The following DNAAF2 variants were observed in gnomAD, a reference collection of about 807,000 sequenced individuals.
The protein encoded by DNAAF2 is dynein axonemal assembly factor 2, also known as protein kintoun.
Under a neutral mutation model 48.8 loss-of-function variants are expected in DNAAF2, and 58 were observed. The ratio of observed to expected loss-of-function variants is 1.19; its 90% CI spans 0.96 to 1.48. The LOEUF (loss-of-function observed/expected upper bound fraction) is 1.48. DNAAF2 is among the 40% of genes most tolerant of loss of function. The pLI is 0.00. For synonymous variants in DNAAF2, 567 were observed against 481.2 expected (o/e 1.18, Z -2.33); for missense variants, 1,241 against 1,116.1 (o/e 1.11, Z -1.59).
rs200121200 is a variant in DNAAF2, at chr14:49,633,687, C to T, written c.1463G>A (p.Gly488Glu). 1,065 of 1,606,692 alleles carry T rather than the reference C, an allele frequency of 6.6e-4. No homozygotes were observed. Among genetic ancestry groups the T allele is most frequent in the Non-Finnish European group, 6.4e-4 (751 of 1,175,140 alleles). Residue 488 changes from glycine to glutamate, a missense_variant, in exon 1 of 3, where the codon GGA (glycine) becomes GAA (glutamate). By Grantham distance (98) the Gly-to-Glu change is moderately conservative (BLOSUM62 -2). Coordinates refer to ENST00000298292, the MANE Select transcript of DNAAF2 (RefSeq NM_018139.3). ...GSSAGRESAR[G>E]DSSVETREES... The stretch of plus-strand genomic sequence containing the variant: ...CTCGCGTGTTTCCACACTGCTATCT[C>T]CGCGCGCACTCTCTCTTCCCGCAGA...
At position 49,634,853 on chromosome 14, in the gene DNAAF2, G is replaced by T; in HGVS notation, c.297C>A (p.Gly99=). The T allele has an allele frequency of 1.3e-6, 2 of 1,545,940 alleles. No individual in the cohort carries two copies. The highest frequency in any genetic ancestry group is 8.7e-7 in the Non-Finnish European group (1 of 1,145,598). Residue 99 remains glycine, a synonymous_variant, in exon 1 of 3, where the codon GGC becomes GGA. Transcript: ENST00000298292. ...CGGAGCCGGGCCGGCTGCTGGGCGC[G>T]CCCACCAACGCGTTGCTGCAGACAT... ...FVNVCSNALV[G]APSSRPGSGG...
In DNAAF2 at chr14:49,625,734, T is replaced by G. The variant is rs1566507546; in HGVS notation, c.2322A>C (p.Val774=). Residue 774 remains valine, a synonymous_variant, in exon 3 of 3, where the codon GTA becomes GTC. Coordinates refer to ENST00000298292, the MANE Select transcript of DNAAF2 (RefSeq NM_018139.3). ...NEEKDNLNES[V]ITEEKETDGD... ...CATCTGTTTCTTTCTCTTCAGTTAT[T>G]ACTGACTCGTTTAAGTTATCTTTTT... 10 of 1,613,436 alleles carry G rather than the reference T, an allele frequency of 6.2e-6. No individual in the cohort carries two copies. Among genetic ancestry groups the G allele is most frequent in the Non-Finnish European group, 8.5e-6 (10 of 1,179,614 alleles).
At position 49,634,445 on chromosome 14, in the gene DNAAF2, C is replaced by A; in HGVS notation, c.705G>T (p.Gly235=). 6.4e-7 allele frequency: 1 copy of A among 1,558,524 alleles called. No homozygotes were observed. Among genetic ancestry groups the A allele is most frequent in the Non-Finnish European group, 8.7e-7 (1 of 1,155,200 alleles). ...CTTCCGGAGGGGAGGGCGCCCGGGGCCCGGGGGCTGCCGGGTACTGGTAAG... is the reference window on the plus strand; with the variant it reads ...CTTCCGGAGGGGAGGGCGCCCGGGGACCGGGGGCTGCCGGGTACTGGTAAG... ...PYPYQYPAAP[G]PRAPSPPEAA... Residue 235 remains glycine (G), a synonymous_variant, in exon 1 of 3, where the codon GGG becomes GGT. Transcript: ENST00000298292.
chr14:49,633,676 C>T lies in DNAAF2; in HGVS notation c.1474G>A (p.Val492Met), dbSNP rs1418003609. ...GRESARGDSSVETREESEGTG... is the reference protein window; with the variant it reads ...GRESARGDSSMETREESEGTG... ...CCCTCCGACTCCTCGCGTGTTTCCACACTGCTATCTCCGCGCGCACTCTCT... is the reference window on the plus strand; with the variant it reads ...CCCTCCGACTCCTCGCGTGTTTCCATACTGCTATCTCCGCGCGCACTCTCT... The change falls in exon 1 of 3, where the codon GTG becomes ATG. Residue 492 changes from valine (V) to methionine (M), a missense_variant. Val to Met is a conservative substitution (Grantham distance 21, BLOSUM62 1). Coordinates refer to ENST00000298292, the MANE Select transcript of DNAAF2 (RefSeq NM_018139.3). 1 of 1,610,522 alleles carries T rather than the reference C, an allele frequency of 6.2e-7. No homozygotes were observed. Among genetic ancestry groups the T allele is most frequent in the East Asian group, 2.2e-5 (1 of 44,826 alleles).
Position 49,634,402 on chromosome 14 carries a change from G to T in DNAAF2, c.748C>A (p.Pro250Thr). The T allele has an allele frequency of 6.3e-7, 1 of 1,583,860 alleles. No individual in the cohort carries two copies. Residue 250 changes from proline (P) to threonine (T), a missense_variant, in exon 1 of 3, where the codon CCC becomes ACC. By Grantham distance (38) the Pro-to-Thr change is conservative (BLOSUM62 -1). Transcript: ENST00000298292. ...SPPEAALQPA[P>T]TEPRYSVVQR... ...ACCACGCTGTAGCGAGGCTCGGTGG[G>T]GGCGGGCTGCAAGGCCGCTTCCGGA...
Position 49,634,021 on chromosome 14 carries a change from C to G in DNAAF2, c.1129G>C (p.Gly377Arg), listed in dbSNP as rs760933549. 2.9e-4 allele frequency: 438 copies of G among 1,522,636 alleles called. No individual in the cohort carries two copies. Among genetic ancestry groups the G allele is most frequent in the Non-Finnish European group, 3.6e-4 (408 of 1,140,948 alleles). 94.3% of individuals were successfully genotyped at this position (1,522,636 alleles called of 1,614,324 possible). A position where few individuals can be genotyped will look rare whatever the true frequency, so the allele number is the denominator to read the frequency against. Residue 377 changes from glycine (G) to arginine (R), a missense_variant, in exon 1 of 3, where the codon GGC (glycine) becomes CGC (arginine). Transcript: ENST00000298292. Reference sequence around the variant, plus strand: ...TCGCGAGCGGAAGCGCAGGCCTGGCCGTCAGTTCCGGACCGGTCCGCGGAC... The same window carrying G: ...TCGCGAGCGGAAGCGCAGGCCTGGCGGTCAGTTCCGGACCGGTCCGCGGAC... Reference protein sequence around the residue: ...EESADRSGTDGQACASAREGE... With the variant: ...EESADRSGTDRQACASAREGE...
intron 2 of DNAAF2, among the ~76,000 whole-genome samples, chr14:49,626,253 C>T (rs1185139087): frequency 6.6e-6 from 1 of 152,100 alleles, no homozygotes; most frequent in East Asian, 1.9e-4. Context: ...TTTGGGATGC[C>T]AAGGCAGGCA....
chr14:49,634,410 T>G lies in DNAAF2; in HGVS notation c.740A>C (p.Gln247Pro), dbSNP rs780046342. 6.3e-7 allele frequency: 1 copy of G among 1,577,222 alleles called. No individual in the cohort carries two copies. The highest frequency in any genetic ancestry group is 8.6e-7 in the Non-Finnish European group (1 of 1,162,414). ...RAPSPPEAALQPAPTEPRYSV... is the reference protein window; with the variant it reads ...RAPSPPEAALPPAPTEPRYSV... ...GTAGCGAGGCTCGGTGGGGGCGGGC[T>G]GCAAGGCCGCTTCCGGAGGGGAGGG... The change falls in exon 1 of 3, where the codon CAG (glutamine) becomes CCG (proline). Residue 247 changes from glutamine (Q) to proline (P), a missense_variant. Gln to Pro is a moderately conservative substitution (Grantham distance 76). Transcript: ENST00000298292.
At chr14:49,626,412 C>T (rs1383763733) in intron 2 of DNAAF2, among the ~76,000 whole-genome samples, 4 of 152,120 alleles carry the variant, frequency 2.6e-5, no homozygotes, top group African/African-American at 4.8e-5. Flanking sequence ...TCACTTGAAC[C>T]CGGGAGGTGG....
Position 49,633,565 on chromosome 14 carries a change from G to T in DNAAF2, c.1585C>A (p.Gln529Lys). ...AGCAGAGTCAAGGTTTCTTTGTCCTGATTACACAGTAACGGAGGACACAAA... is the reference window on the plus strand; with the variant it reads ...AGCAGAGTCAAGGTTTCTTTGTCCTTATTACACAGTAACGGAGGACACAAA... The part of the protein sequence containing the change: ...EPLCPPLLCN[Q>K]DKETLTLLIQ... The change falls in exon 1 of 3, where the codon CAG becomes AAG. Residue 529 changes from glutamine to lysine, a missense_variant. By Grantham distance (53) the Gln-to-Lys change is moderately conservative. Transcript: ENST00000298292. 2.5e-6 allele frequency: 4 copies of T among 1,613,986 alleles called. No individual in the cohort carries two copies. Among genetic ancestry groups the T allele is most frequent in the South Asian group, 1.1e-5 (1 of 91,080 alleles).
Position 49,634,551 on chromosome 14 carries a change from A to G in DNAAF2, c.599T>C (p.Val200Ala), listed in dbSNP as rs991920615. Reference sequence around the variant, plus strand: ...GACCCCGGGCAGGGGCGTGCGCAGCACCGCAGCCTCTGGGGTCCCCTTATA... The same window carrying G: ...GACCCCGGGCAGGGGCGTGCGCAGCGCCGCAGCCTCTGGGGTCCCCTTATA... ...AKYKGTPEAA[V>A]LRTPLPGVIP... The change falls in exon 1 of 3, where the codon GTG becomes GCG. Residue 200 changes from valine to alanine, a missense_variant. Transcript: ENST00000298292. 5 of 1,603,428 alleles carry G rather than the reference A, an allele frequency of 3.1e-6. No individual in the cohort carries two copies. Among genetic ancestry groups the G allele is most frequent in the South Asian group, 2.2e-5 (2 of 91,080 alleles).
chr14:49,632,734 A>G (rs1471995711), intron 1 of DNAAF2, among the ~76,000 whole-genome samples: 4 of 152,098 alleles, frequency 2.6e-5, no homozygotes, highest in Non-Finnish European at 4.4e-5. Flanking sequence ...AGCGTGAGCC[A>G]CCGCACCCAG....
In DNAAF2 at chr14:49,634,765, G is replaced by C. The variant is rs756604353; in HGVS notation, c.385C>G (p.Arg129Gly). ...CTGCTGCTGCGCCCCGCGTACTCGCGGCCGGGCGCCAGGCTGTAGGGCAGG... is the reference window on the plus strand; with the variant it reads ...CTGCTGCTGCGCCCCGCGTACTCGCCGCCGGGCGCCAGGCTGTAGGGCAGG... ...WSLPYSLAPG[R>G]EYAGRSSSRY... is the part of the protein sequence containing the mutation. Residue 129 changes from arginine (R) to glycine (G), a missense_variant, in exon 1 of 3, where the codon CGC becomes GGC. By Grantham distance (125) the Arg-to-Gly change is moderately radical. Coordinates refer to ENST00000298292, the MANE Select transcript of DNAAF2 (RefSeq NM_018139.3). 2 of 1,594,506 alleles carry C rather than the reference G, an allele frequency of 1.3e-6. No individual in the cohort carries two copies. Among genetic ancestry groups the C allele is most frequent in the South Asian group, 2.2e-5 (2 of 89,868 alleles).
In DNAAF2 at chr14:49,634,574, A is replaced by T. The variant is rs1289685585; in HGVS notation, c.576T>A (p.Tyr192Ter). ...GCACCGCAGCCTCTGGGGTCCCCTT[A>T]TACTTGGCCTTCAGGGTCTTGGCAT... ...RRNAKTLKAK[Y>*]KGTPEAAVLR... The change falls in exon 1 of 3, where the codon TAT becomes TAA. Residue 192 changes from tyrosine to a stop codon, truncating the protein, a stop_gained. Transcript: ENST00000298292. LOFTEE classifies it high-confidence loss of function. 2 of 1,605,184 alleles carry T rather than the reference A, an allele frequency of 1.2e-6. No homozygotes were observed. Among genetic ancestry groups the T allele is most frequent in the African/African-American group, 2.7e-5 (2 of 74,908 alleles).
chr14:49,630,808 C>A lies in DNAAF2; in HGVS notation c.1863+2479G>T, dbSNP rs144539582. On this transcript the variant is annotated intron_variant, in intron 1 of 2. Transcript: ENST00000298292. ...ACTCTGTCACCAGGCTGGAGTACAA[C>A]TGCGTGATCTCAGCTCACTGCAACC... is the stretch of plus-strand genomic sequence containing the variant. Among the ~76,000 whole-genome samples the A allele has an allele frequency of 2.4e-4, 37 of 151,458 alleles. No homozygotes were observed. The East Asian group carries it at 6.8e-3, about 28-fold the overall frequency.
chr14:49,634,763 G>A lies in DNAAF2; in HGVS notation c.387C>T (p.Arg129=). 2 of 1,594,130 alleles carry A rather than the reference G, an allele frequency of 1.3e-6. No individual in the cohort carries two copies. The highest frequency in any genetic ancestry group is 1.7e-5 in the Admixed American group (1 of 57,752). The part of the protein sequence containing the change: ...WSLPYSLAPG[R]EYAGRSSSRY... ...GGCTGCTGCTGCGCCCCGCGTACTC[G>A]CGGCCGGGCGCCAGGCTGTAGGGCA... is the stretch of plus-strand genomic sequence containing the variant. Residue 129 remains arginine (R), a synonymous_variant, in exon 1 of 3, where the codon CGC becomes CGT. Coordinates refer to ENST00000298292, the MANE Select transcript of DNAAF2 (RefSeq NM_018139.3).
intron 2 of DNAAF2, among the ~76,000 whole-genome samples, chr14:49,626,442 T>A (rs909176102): frequency 1.3e-5 from 2 of 152,130 alleles, no homozygotes; most frequent in African/African-American, 4.8e-5. Context: ...TGGGCCGAGA[T>A]AGTGCCACTG....
rs997727890 is a variant in DNAAF2 at position 49,625,917 on chromosome 14, T to G, written c.2139A>C (p.Ala713=). Residue 713 remains alanine (A), a synonymous_variant, in exon 3 of 3, where the codon GCA becomes GCC. Transcript: ENST00000298292. ...AGCTATCTATTTGTAGTGCTTTAAC[T>G]GCTATAGATGAATCAGAATCAGTTG... ...TPTTDSDSSI[A]VKALQIDSFG... The G allele has an allele frequency of 1.5e-5, 24 of 1,613,492 alleles. No individual in the cohort carries two copies. The highest frequency in any genetic ancestry group is 3.3e-5 in the Admixed American group (2 of 59,974).
In DNAAF2 at chr14:49,633,455, G is replaced by A. The variant is rs899111621; in HGVS notation, c.1695C>T (p.Asp565=). Residue 565 remains aspartate (D), a synonymous_variant, in exon 1 of 3, where the codon GAC becomes GAT. Coordinates refer to ENST00000298292, the MANE Select transcript of DNAAF2 (RefSeq NM_018139.3). ...LWYKLRFSAQ[D]LVYSFFLQFA... is the part of the protein sequence containing the mutation. ...ATTGCAAAAAGAAGGAATAAACTAA[G>A]TCTTGTGCGGAGAAGCGTAATTTGT... The A allele has an allele frequency of 6.2e-7, 1 of 1,613,958 alleles. No homozygotes were observed. The highest frequency in any genetic ancestry group is 1.3e-5 in the African/African-American group (1 of 74,944).
Sources: gnomAD v4.1 joint callset for allele counts (sites outside exome capture counted in the v4.1 genomes callset) on GRCh38, gnomAD v4.1.1 for gene constraint, MANE v1.5 for transcripts, NCBI Gene and HGNC (gene_info 2026-07-23, HGNC 2026-07-21) for gene names.